Variants in IFT74 observed in about 807,000 individuals in gnomAD.
IFT74 encodes the protein intraflagellar transport 74.
Under a neutral mutation model 96.7 loss-of-function variants are expected in IFT74, and 92 were observed. The observed-to-expected ratio is 0.95, with a 90% CI of 0.80 to 1.13. The LOEUF (loss-of-function observed/expected upper bound fraction) is 1.13, where lower values mean the gene tolerates loss of function less well. Ranked by LOEUF, IFT74 falls within the 50% of genes most tolerant of loss-of-function variation. The probability of loss-of-function intolerance (pLI) is 0.00; values close to 1 mark genes in which losing one functional copy is unlikely to be tolerated. For missense variants in IFT74, 811 were observed against 698.2 expected, an observed-to-expected ratio of 1.16 and a Z score of -1.82; for synonymous variants, 223 against 213.2, an observed-to-expected ratio of 1.05 and a Z score of -0.40.
In IFT74 at chr9:26,978,217, C is replaced by T. The variant is rs973889221; in HGVS notation, c.210C>T (p.Arg70=). The part of the protein sequence containing the change: ...VLSSQIKVAH[R]PVTQQGLTGM... ...CTTCTCAAATCAAAGTTGCCCATCG[C>T]CCTGTAACACAACAAGGTTTGACTG... The change falls in exon 3 of 20, where the codon CGC becomes CGT. Residue 70 remains arginine (R), a synonymous_variant. Coordinates refer to ENST00000380062, the MANE Select transcript of IFT74 (RefSeq NM_025103.4). 3.1e-6 allele frequency: 5 copies of T among 1,613,396 alleles called. No individual in the cohort carries two copies. Among genetic ancestry groups the T allele is most frequent in the Non-Finnish European group, 3.4e-6 (4 of 1,179,838 alleles).
At chr9:26,973,765 T>C (rs2131512953) in intron 2 of IFT74, among the ~76,000 whole-genome samples, 1 of 152,224 alleles carries the variant, frequency 6.6e-6, no homozygotes, top group South Asian at 2.1e-4. Flanking sequence ...CCAGCAAGAT[T>C]AGATGGAGTG....
chr9:26,990,970 A>C lies in IFT74; in HGVS notation c.587+775A>C, dbSNP rs570204978. Among the ~76,000 whole-genome samples, 75 of 152,372 alleles carry C rather than the reference A, an allele frequency of 4.9e-4. 1 individual carries two copies. The highest frequency in any genetic ancestry group is 1.7e-3 in the African/African-American group (71 of 41,588). On this transcript the variant is annotated intron_variant, in intron 8 of 19. Transcript: ENST00000380062. ...ATTTATTCTAAGGCAACACAAACAC[A>C]ATGAGCTATGTTGTGTAAACACACA...
In IFT74 at chr9:27,031,284, G is replaced by A. The variant is rs551371792; in HGVS notation, c.1054+2180G>A. ...ACCAGGTCAGGAGATCGAGACCACG[G>A]TGAAACCCTGTCTCTACTAAAAAAT... is the stretch of plus-strand genomic sequence containing the variant. On this transcript the variant is annotated intron_variant, in intron 13 of 19. Coordinates refer to ENST00000380062, the MANE Select transcript of IFT74 (RefSeq NM_025103.4). Among the ~76,000 whole-genome samples the A allele has an allele frequency of 3.9e-5, 6 of 151,996 alleles. No individual in the cohort carries two copies. In the South Asian group the frequency reaches 1.0e-3, roughly 26 times the overall value.
Position 27,009,082 on chromosome 9 carries a change from A to T in IFT74, c.650A>T (p.Asp217Val). ...EIEQEKQATD[D>V]IIKNMSFENQ... The stretch of plus-strand genomic sequence containing the variant: ...GAACAGGAAAAACAAGCAACAGATG[A>T]CATTATCAAAAATATGTCTTTTGAA... Residue 217 changes from aspartate (D) to valine (V), a missense_variant, in exon 9 of 20, where the codon GAC (aspartate) becomes GTC (valine). Physicochemically the swap from Asp to Val is radical, Grantham distance 152. Coordinates refer to ENST00000380062, the MANE Select transcript of IFT74 (RefSeq NM_025103.4). The T allele has an allele frequency of 6.2e-7, 1 of 1,612,910 alleles. No individual in the cohort carries two copies. The highest frequency in any genetic ancestry group is 8.5e-7 in the Non-Finnish European group (1 of 1,179,044).
chr9:27,042,964 A>G (rs2131676674), intron 13 of IFT74, among the ~76,000 whole-genome samples: 1 of 152,346 alleles, frequency 6.6e-6, no homozygotes, highest in African/African-American at 2.4e-5. Context: ...GTATATATAT[A>G]AACACACACA....
intron 16 of IFT74, among the ~76,000 whole-genome samples, chr9:27,049,900 A>T (rs1350703515): frequency 6.6e-6 from 1 of 152,196 alleles, no homozygotes; most frequent in Non-Finnish European, 1.5e-5. Context: ...TCGAGTAGCC[A>T]TGTTGACAAA....
chr9:27,041,738 CT>C (rs958876496), intron 13 of IFT74, among the ~76,000 whole-genome samples: 2 of 152,150 alleles, frequency 1.3e-5, no homozygotes, highest in African/African-American at 2.4e-5. Flanking sequence ...ATGTTTTACC[CT>C]ACCTTAGGAC....
intron 12 of IFT74, among the ~76,000 whole-genome samples, chr9:27,025,918 C>CA (rs1264963186): frequency 6.6e-6 from 1 of 152,018 alleles, no homozygotes; most frequent in Non-Finnish European, 1.5e-5. Context: ...TAAAACAACA[C>CA]AATGGAAATG....
intron 2 of IFT74, among the ~76,000 whole-genome samples, chr9:26,971,933 A>G (rs1361885711): frequency 6.6e-6 from 1 of 152,206 alleles, no homozygotes; most frequent in Non-Finnish European, 1.5e-5. Flanking sequence ...CAGACCAATT[A>G]TTGGGCAATC....
At chr9:26,974,161 G>A (rs1374398452) in intron 2 of IFT74, among the ~76,000 whole-genome samples, 1 of 152,086 alleles carries the variant, frequency 6.6e-6, no homozygotes, top group African/African-American at 2.4e-5. Flanking sequence ...TTGGCTCCCT[G>A]GAAGTCTTGT....
intron 8 of IFT74, among the ~76,000 whole-genome samples, chr9:26,990,621 C>T (rs952153403): frequency 9.2e-5 from 14 of 152,096 alleles, no homozygotes; most frequent in Non-Finnish European, 1.3e-4. Context: ...TAGCAATCTA[C>T]GTCATATATA....
At chr9:26,961,121 C>T (rs183466064) in intron 1 of IFT74, among the ~76,000 whole-genome samples, 99 of 141,390 alleles carry the variant, frequency 7.0e-4, no homozygotes, top group African/African-American at 2.5e-3. Context: ...GATGGAGTCT[C>T]GCTGTGTCGC....
At chr9:27,018,362 A>G (rs1022910589) in intron 11 of IFT74, among the ~76,000 whole-genome samples, 1 of 152,168 alleles carries the variant, frequency 6.6e-6, no homozygotes, top group Non-Finnish European at 1.5e-5. Context: ...AGATGTTTAT[A>G]TCAACTTATC....
chr9:26,991,155 A>G (rs1028773161), intron 8 of IFT74, among the ~76,000 whole-genome samples: 6 of 152,242 alleles, frequency 3.9e-5, no homozygotes, highest in Non-Finnish European at 8.8e-5. Flanking sequence ...GATGATGGAT[A>G]GATGTTAAAA....
At chr9:27,008,698 T>A (rs1028257034) in intron 8 of IFT74, among the ~76,000 whole-genome samples, 4 of 152,166 alleles carry the variant, frequency 2.6e-5, no homozygotes, top group African/African-American at 7.2e-5. Context: ...TAAAAAAGTA[T>A]AAATGCATCC....
chr9:26,995,467 A>T lies in IFT74; in HGVS notation c.587+5272A>T, dbSNP rs997299991. The T allele has an allele frequency of 6.6e-6, 7 of 1,058,266 alleles. No individual in the cohort carries two copies. The Admixed American group carries it at 1.1e-4, about 16-fold the overall frequency. The allele number at this position is 1,058,266 out of a possible 1,614,324, so 65.6% of individuals were successfully genotyped here. The stretch of plus-strand genomic sequence containing the variant: ...TTATGTCACATAGCAAAATCTCCAT[A>T]TCTAAACTGAGTGAGCTGATAACTT... On this transcript the variant is annotated intron_variant, in intron 8 of 19. Transcript: ENST00000380062.
chr9:26,996,616 A>G (rs1273925101), intron 8 of IFT74: 1 of 620,980 alleles, frequency 1.6e-6, no homozygotes, highest in Non-Finnish European at 2.4e-6. Flanking sequence ...CATTATAAGA[A>G]ATTCCTGTTG....
chr9:27,022,344 G>A lies in IFT74; in HGVS notation c.974+3657G>A, dbSNP rs1029426849. On this transcript the variant is annotated intron_variant, in intron 12 of 19. Transcript: ENST00000380062. ...CGCTTTGGGTTCCATATGAATTTTG[G>A]ATTTTTTTTTCTAGTTCTGTGAAGA... 2.0e-5 allele frequency among the ~76,000 whole-genome samples: 3 copies of A among 151,970 alleles called. No homozygotes were observed. The South Asian group carries it at 6.2e-4, about 32-fold the overall frequency.
Position 27,001,364 on chromosome 9 carries a change from T to C in IFT74, c.588-7656T>C, listed in dbSNP as rs139305535. Among the ~76,000 whole-genome samples, 484 of 152,118 alleles carry C rather than the reference T, an allele frequency of 3.2e-3. 5 individuals are homozygous for C. The highest frequency in any genetic ancestry group is 0.019 in the South Asian group (94 of 4,822). Reference sequence around the variant, plus strand: ...AATGTAAATGTAAGTGTTATATTTTTAGTTTTTTAAGGAACCTTCATACTG... The same window carrying C: ...AATGTAAATGTAAGTGTTATATTTTCAGTTTTTTAAGGAACCTTCATACTG... On this transcript the variant is annotated intron_variant, in intron 8 of 19. Coordinates refer to ENST00000380062, the MANE Select transcript of IFT74 (RefSeq NM_025103.4).
Sources: gnomAD v4.1 joint callset for allele counts (sites outside exome capture counted in the v4.1 genomes callset) on GRCh38, gnomAD v4.1.1 for gene constraint, MANE v1.5 for transcripts, NCBI Gene and HGNC (gene_info 2026-07-23, HGNC 2026-07-21) for gene names.